SYP: variants seen among roughly 807,000 people sequenced by gnomAD.
The protein encoded by SYP is synaptophysin.
In SYP, 2 loss-of-function variants were observed where a neutral mutation model predicts 24.3. That is an observed-to-expected ratio of 0.08 (90% CI 0.03 to 0.26). SYP has a LOEUF of 0.26. SYP is among the 10% of genes least tolerant of loss of function. The pLI is 1.00. For synonymous variants in SYP, 143 were observed against 123.2 expected, an observed-to-expected ratio of 1.16 and a Z score of -1.07; for missense variants, 216 against 266.3, an observed-to-expected ratio of 0.81 and a Z score of 1.32.
At chrX:49,197,650 A>G (rs1557103476) in intron 3 of SYP, 65 bp downstream of exon 3, 1 of 1,173,058 alleles carries the variant, frequency 8.5e-7, no homozygotes, top group East Asian at 3.1e-5. Context: ...GGGGGGAGGT[A>G]TTGGCCGGTT....
In SYP at chrX:49,191,498, T is replaced by TCGCCCTGAGGCCCGTAGC. The variant is rs782309986; in HGVS notation, c.863_880dup (p.Gly288_Gly293dup). 8.3e-7 allele frequency: 1 copy of TCGCCCTGAGGCCCGTAGC among 1,211,386 alleles called. No homozygotes were observed. Among genetic ancestry groups the TCGCCCTGAGGCCCGTAGC allele is most frequent in the Non-Finnish European group, 1.1e-6 (1 of 895,466 alleles). ...CGGGCCGTAGCCTTGCTGCCCATAG[T>TCGCCCTGAGGCCCGTAGC]CGCCCTGAGGCCCGTAGCCACTGCC... On this transcript the variant is annotated inframe_insertion, in exon 6 of 7. Coordinates refer to ENST00000263233, the MANE Select transcript of SYP (RefSeq NM_003179.3).
At position 49,188,812 on chromosome X, in the gene SYP, CCTTT is replaced by C. The variant is rs2065496457; in HGVS notation, c.*471_*474del. The C allele has an allele frequency of 9.0e-6, 1 of 111,545 alleles. No individual in the cohort carries two copies. The highest frequency in any genetic ancestry group is 1.9e-5 in the Non-Finnish European group (1 of 53,051). 9.2% of individuals were successfully genotyped at this position (111,545 alleles called of 1,213,427 possible). A position where few individuals can be genotyped will look rare whatever the true frequency, so the allele number is the denominator to read the frequency against. ...CTACCCCAAGCCCCCCCAATCTCTG[CCTTT>C]CTTTAACCCTGGAGTTGGATTTCCC... On this transcript the variant is annotated 3_prime_UTR_variant, in exon 7 of 7. Transcript: ENST00000263233.
chrX:49,195,202 G>A (rs1306469265), intron 3 of SYP, among the ~76,000 whole-genome samples: 1 of 107,600 alleles, frequency 9.3e-6, no homozygotes, highest in Admixed American at 1.0e-4. Context: ...CTTGGTTTTT[G>A]CTGTAACTAC....
intron 5 of SYP, 97 bp from the exon 6 acceptor site, chrX:49,191,860 G>A (rs1486134935): frequency 7.3e-6 from 7 of 954,074 alleles, no homozygotes; most frequent in Non-Finnish European, 1.0e-5. Context: ...CGTAGGCTCC[G>A]CAAGGTGGGG....
intron 6 of SYP, 161 bp downstream of exon 6, chrX:49,191,272 A>G (rs2065507217): frequency 5.4e-6 from 3 of 558,021 alleles, no homozygotes; most frequent in South Asian, 5.2e-5. Context: ...TTCAGCTCTT[A>G]GCAGGTAGTT....
intron 4 of SYP, 104 bp downstream of exon 4, chrX:49,194,062 G>C: frequency 4.2e-6 from 4 of 952,633 alleles, no homozygotes; most frequent in Non-Finnish European, 6.0e-6. Flanking sequence ...GTGGCTGTTT[G>C]CATGTGGGCC....
intron 4 of SYP, among the ~76,000 whole-genome samples, chrX:49,193,832 T>C (rs1411836570): frequency 3.6e-5 from 4 of 111,693 alleles, no homozygotes; most frequent in African/African-American, 1.3e-4. Flanking sequence ...GGAATCAGTG[T>C]GTCTGTGTGG....
intron 3 of SYP, among the ~76,000 whole-genome samples, chrX:49,195,650 G>C (rs1190578878): frequency 1.8e-5 from 2 of 111,062 alleles, no homozygotes; most frequent in Admixed American, 9.6e-5. Context: ...GTTGTAGAGA[G>C]AAAATGTCTG....
In SYP at chrX:49,189,154, T is replaced by C. The variant is rs1388925026; in HGVS notation, c.*133A>G. On this transcript the variant is annotated 3_prime_UTR_variant, in exon 7 of 7. Coordinates refer to ENST00000263233, the MANE Select transcript of SYP (RefSeq NM_003179.3). ...TAAATAGATATTTATATATAATATATATATATATAAACAGCAAAGACAGGG... is the reference window on the plus strand; with the variant it reads ...TAAATAGATATTTATATATAATATACATATATATAAACAGCAAAGACAGGG... 9.3e-6 allele frequency: 1 copy of C among 107,148 alleles called. No homozygotes were observed. 8.8% of individuals were successfully genotyped at this position (107,148 alleles called of 1,213,427 possible). A position where few individuals can be genotyped will look rare whatever the true frequency, so the allele number is the denominator to read the frequency against.
At position 49,189,287 on chromosome X, in the gene SYP, A is replaced by G. The variant is rs1397702291; in HGVS notation, c.*5-5T>C. 1 of 109,439 alleles carries G rather than the reference A, an allele frequency of 9.1e-6. No homozygotes were observed. Among genetic ancestry groups the G allele is most frequent in the Admixed American group, 9.8e-5 (1 of 10,177 alleles). The allele number at this position is 109,439 out of a possible 1,213,427, so 9.0% of individuals were successfully genotyped here. ...GTCCTCCTGGGCTTCACTGACCTGT[A>G]GAGACAAAAGACACAGAAAGGAGAG... is the stretch of plus-strand genomic sequence containing the variant. On this transcript the variant is annotated splice_region_variant and splice_polypyrimidine_tract_variant and intron_variant, in intron 6 of 6. Coordinates refer to ENST00000263233, the MANE Select transcript of SYP (RefSeq NM_003179.3).
Position 49,189,256 on chromosome X carries a change from C to T in SYP, c.*31G>A, listed in dbSNP as rs1052590974. On this transcript the variant is annotated 3_prime_UTR_variant, in exon 7 of 7. Transcript: ENST00000263233. ...AGGCCTTCTCCTGAGCTCTTGCCCC[C>T]CCCAGGTCCTCCTGGGCTTCACTGA... The T allele has an allele frequency of 4.6e-5, 5 of 109,666 alleles. No individual in the cohort carries two copies. In the East Asian group the frequency reaches 1.4e-3, roughly 31 times the overall value. 9.0% of individuals were successfully genotyped at this position (109,666 alleles called of 1,213,427 possible).
chrX:49,193,299 A>G lies in SYP; in HGVS notation c.588T>C (p.Pro196=). ...CCGAGGTGTTGAGTCCCGAGGTCAC[A>G]GGGTCTCTCAGCTCCTTGCATGTGT... ...TGNTCKELRD[P]VTSGLNTSVV... The change falls in exon 5 of 7, where the codon CCT becomes CCC. Residue 196 remains proline (P), a synonymous_variant. Coordinates refer to ENST00000263233, the MANE Select transcript of SYP (RefSeq NM_003179.3). 16 of 1,211,948 alleles carry G rather than the reference A, an allele frequency of 1.3e-5. No homozygotes were observed. The highest frequency in any genetic ancestry group is 1.8e-5 in the Non-Finnish European group (16 of 895,499).
At position 49,194,191 on chromosome X, in the gene SYP, C is replaced by T. The variant is rs782047632; in HGVS notation, c.398G>A (p.Arg133Gln). Residue 133 changes from arginine (R) to glutamine (Q), a missense_variant, in exon 4 of 7, where the codon CGA becomes CAA. Physicochemically the swap from Arg to Gln is conservative, Grantham distance 43. Transcript: ENST00000263233. ...ATYIFLQNKYRENNKGPMLDF... is the reference protein window; with the variant it reads ...ATYIFLQNKYQENNKGPMLDF... ...CAGCATGGGCCCTTTGTTATTCTCTCGGTACTTGTTCTGCAGGAAGATGTA... is the reference window on the plus strand; with the variant it reads ...CAGCATGGGCCCTTTGTTATTCTCTTGGTACTTGTTCTGCAGGAAGATGTA... 3.1e-5 allele frequency: 38 copies of T among 1,209,235 alleles called. No homozygotes were observed. Among genetic ancestry groups the T allele is most frequent in the African/African-American group, 8.8e-5 (5 of 56,861 alleles).
At chrX:49,193,841 G>A (rs1351335745) in intron 4 of SYP, among the ~76,000 whole-genome samples, 1 of 111,859 alleles carries the variant, frequency 8.9e-6, no homozygotes, top group Non-Finnish European at 1.9e-5. Context: ...GTGTCTGTGT[G>A]GCATGATGAC....
At chrX:49,191,867 G>T (rs2065510959) in intron 5 of SYP, 104 bp from the exon 6 acceptor site, 2 of 923,285 alleles carry the variant, frequency 2.2e-6, no homozygotes, top group East Asian at 6.8e-5. Flanking sequence ...TCCGCAAGGT[G>T]GGGGTTTCTG....
Position 49,194,353 on chromosome X carries a change from T to A in SYP, c.236A>T (p.Gln79Leu). The A allele has an allele frequency of 1.7e-6, 2 of 1,210,797 alleles. No individual in the cohort carries two copies. The highest frequency in any genetic ancestry group is 2.2e-6 in the Non-Finnish European group (2 of 895,365). Residue 79 changes from glutamine to leucine, a missense_variant, in exon 4 of 7, where the codon CAA becomes CTA. Around this residue, in one of 2 missense-constraint regions of SYP, gnomAD observed 102 missense variants for 158.4 expected, o/e 0.64. Transcript: ENST00000263233. The stretch of plus-strand genomic sequence containing the variant: ...GCAGGTGGGTGCATCAAAGTACACT[T>A]GGTGCAGCCTGCAAACAGAGGTGGG... ...VEFEYPFRLH[Q>L]VYFDAPTCRG... is the part of the protein sequence containing the mutation.
chrX:49,197,662 C>G lies in SYP; in HGVS notation c.227+53G>C, dbSNP rs1292833812. ...TGCGGGGGGAGGTATTGGCCGGTTC[C>G]ACCCTGCCCCTTCCTCTCCCAGGTC... On this transcript the variant is annotated intron_variant, in intron 3 of 6. Coordinates refer to ENST00000263233, the MANE Select transcript of SYP (RefSeq NM_003179.3). The G allele has an allele frequency of 8.4e-6, 10 of 1,187,125 alleles. No homozygotes were observed. The Admixed American group carries it at 9.3e-5, about 11-fold the overall frequency.
chrX:49,196,301 C>T (rs1290599514), intron 3 of SYP, among the ~76,000 whole-genome samples: 2 of 111,419 alleles, frequency 1.8e-5, no homozygotes, highest in African/African-American at 3.3e-5. Flanking sequence ...CACACTTTCC[C>T]GGCATCTCCT....
At chrX:49,192,934 G>T (rs1373899404) in intron 5 of SYP, among the ~76,000 whole-genome samples, 2 of 110,524 alleles carry the variant, frequency 1.8e-5, no homozygotes, top group Non-Finnish European at 3.8e-5. Context: ...AGCCAGTAGG[G>T]GGCATCCAAG....
Sources: allele counts gnomAD v4.1 joint callset (sites outside exome capture counted in the v4.1 genomes callset), GRCh38; gene constraint gnomAD v4.1.1; regional missense constraint gnomAD v4.1.1; transcripts MANE v1.5; gene names NCBI Gene and HGNC (gene_info 2026-07-23, HGNC 2026-07-21).